USP7: variants seen among roughly 807,000 people sequenced by gnomAD.
USP7 encodes the protein ubiquitin specific peptidase 7, also known as ubiquitin C-terminal hydrolase 7.
USP7 carries 9 observed loss-of-function variants against 162.9 expected under a neutral mutation model. The ratio of observed to expected loss-of-function variants is 0.06; its 90% CI spans 0.03 to 0.10. The LOEUF is 0.10. Ranked by LOEUF, USP7 falls within the 10% of genes least tolerant of loss-of-function variation. The probability of loss-of-function intolerance (pLI) is 1.00; values close to 1 mark genes in which losing one functional copy is unlikely to be tolerated. For synonymous variants in USP7, 562 were observed against 475.9 expected, an observed-to-expected ratio of 1.18 and a Z score of -2.35; for missense variants, 715 against 1,373.7, an observed-to-expected ratio of 0.52 and a Z score of 7.58.
intron 1 of USP7, among the ~76,000 whole-genome samples, chr16:8,955,851 G>T (rs376871892): frequency 6.6e-6 from 1 of 152,156 alleles, no homozygotes; most frequent in African/African-American, 2.4e-5. Flanking sequence ...GAGTAGAAAG[G>T]TTTGCTCAGC....
chr16:8,963,255 TCTGCTGCTG>T lies in USP7; in HGVS notation c.22_30del (p.Gln8_Gln10del), dbSNP rs749570604. 5 of 1,373,130 alleles carry T rather than the reference TCTGCTGCTG, an allele frequency of 3.6e-6. No homozygotes were observed. Among genetic ancestry groups the T allele is most frequent in the Non-Finnish European group, 4.8e-6 (5 of 1,050,884 alleles). 85.1% of individuals were successfully genotyped at this position (1,373,130 alleles called of 1,614,324 possible). ...TCGCTCAACTGCTGCTCGCCCGCTT[TCTGCTGCTG>T]CTGCTGCTGCTGGTGGTTCATGTCG... On this transcript the variant is annotated inframe_deletion, in exon 1 of 31. Transcript: ENST00000344836.
intron 1 of USP7, among the ~76,000 whole-genome samples, chr16:8,938,402 A>C (rs549512137): frequency 4.7e-4 from 71 of 152,160 alleles, no homozygotes; most frequent in African/African-American, 1.7e-3. Context: ...CTGTGGATTC[A>C]ACAAACCGCA....
rs1000838408 is a variant in USP7 at position 8,916,696 on chromosome 16, G to C, written c.852-140C>G. 5 of 908,148 alleles carry C rather than the reference G, an allele frequency of 5.5e-6. No individual in the cohort carries two copies. In the African/African-American group the frequency reaches 8.5e-5, roughly 15 times the overall value. The allele number at this position is 908,148 out of a possible 1,614,324, so 56.3% of individuals were successfully genotyped here. The stretch of plus-strand genomic sequence containing the variant: ...TTTTCTGTGAAGATTATTTTTGGGA[G>C]TCATAATTCAAAGATAGATTTACTG... On this transcript the variant is annotated intron_variant, in intron 7 of 30. Transcript: ENST00000344836.
chr16:8,944,924 A>T (rs1402664140), intron 1 of USP7, among the ~76,000 whole-genome samples: 1 of 152,150 alleles, frequency 6.6e-6, no homozygotes, highest in Non-Finnish European at 1.5e-5. Flanking sequence ...CCTGGCCAAT[A>T]TGGCGAAACC....
intron 3 of USP7, among the ~76,000 whole-genome samples, chr16:8,922,132 G>A (rs1897728426): frequency 6.6e-6 from 1 of 152,192 alleles, no homozygotes; most frequent in African/African-American, 2.4e-5. Flanking sequence ...GTGAACAGAA[G>A]AGGACAACTT....
At chr16:8,927,237 G>T (rs943369015) in intron 2 of USP7, among the ~76,000 whole-genome samples, 1 of 151,614 alleles carries the variant, frequency 6.6e-6, no homozygotes, top group Non-Finnish European at 1.5e-5. Context: ...CAGGAGAATC[G>T]CTTGAACCCG....
At chr16:8,899,550 A>C in intron 22 of USP7, 54 bp downstream of exon 22, 1 of 1,595,500 alleles carries the variant, frequency 6.3e-7, no homozygotes, top group Non-Finnish European at 8.6e-7. Context: ...TTTAAGAAAG[A>C]AATTTGTCTT....
At chr16:8,897,846 C>T (rs1261148353) in intron 25 of USP7, among the ~76,000 whole-genome samples, 1 of 149,466 alleles carries the variant, frequency 6.7e-6, no homozygotes, top group Non-Finnish European at 1.5e-5. Context: ...CTGTCGTGGG[C>T]TGTGATGGTG....
At chr16:8,934,703 C>T (rs1898581436) in intron 1 of USP7, among the ~76,000 whole-genome samples, 1 of 152,164 alleles carries the variant, frequency 6.6e-6, no homozygotes. Flanking sequence ...GCCAATCTGC[C>T]CTTTTCCACC....
At chr16:8,908,648 A>AAT (rs2061896845) in intron 11 of USP7, among the ~76,000 whole-genome samples, 198 bp from the exon 12 acceptor site, 1 of 152,228 alleles carries the variant, frequency 6.6e-6, no homozygotes, top group African/African-American at 2.4e-5. Context: ...TTATTAAAAT[A>AAT]ATGCTGCACC....
intron 2 of USP7, among the ~76,000 whole-genome samples, chr16:8,925,673 C>T (rs1897947218): frequency 6.6e-6 from 1 of 152,202 alleles, no homozygotes; most frequent in Admixed American, 6.5e-5. Flanking sequence ...CCGAGTGTGG[C>T]ACTGCCCTGA....
chr16:8,897,724 A>ACATATATATAT (rs59369679), intron 25 of USP7, among the ~76,000 whole-genome samples: 204 of 19,452 alleles, frequency 0.01, 3 homozygotes, highest in Middle Eastern at 0.062. Flanking sequence ...AAAAAAAAAA[A>ACATATATATAT]AAATATATAT....
chr16:8,896,159 T>A (rs984896413), intron 26 of USP7, among the ~76,000 whole-genome samples: 46 of 135,434 alleles, frequency 3.4e-4, no homozygotes, highest in African/African-American at 1.0e-3. Context: ...TTTTTTTTTT[T>A]AAAGAGGATC....
intron 1 of USP7, among the ~76,000 whole-genome samples, chr16:8,945,489 A>G (rs1323189093): frequency 6.6e-6 from 1 of 152,206 alleles, no homozygotes; most frequent in Non-Finnish European, 1.5e-5. Flanking sequence ...GGAACAGTTC[A>G]ACCTATAAAC....
intron 16 of USP7, 54 bp from the exon 17 acceptor site, chr16:8,902,536 C>G: frequency 7.0e-7 from 1 of 1,427,172 alleles, no homozygotes; most frequent in Non-Finnish European, 9.7e-7. Flanking sequence ...TATTTTAGTC[C>G]TCTATATTAC....
chr16:8,903,176 AC>A, intron 16 of USP7, 91 bp downstream of exon 16: 1 of 1,509,142 alleles, frequency 6.6e-7, no homozygotes, highest in Non-Finnish European at 9.0e-7. Context: ...CACAGCACCT[AC>A]CCCCAAAGGC....
At chr16:8,927,350 A>C (rs994082616) in intron 2 of USP7, among the ~76,000 whole-genome samples, 1 of 152,218 alleles carries the variant, frequency 6.6e-6, no homozygotes, top group South Asian at 2.1e-4. Context: ...GTTAAAGAAA[A>C]ACAGAATACT....
chr16:8,920,460 AAT>A lies in USP7; in HGVS notation c.523-15_523-14del. The A allele has an allele frequency of 6.2e-7, 1 of 1,601,160 alleles. No individual in the cohort carries two copies. Among genetic ancestry groups the A allele is most frequent in the Non-Finnish European group, 8.5e-7 (1 of 1,172,734 alleles). On this transcript the variant is annotated splice_polypyrimidine_tract_variant and intron_variant, in intron 4 of 30. Coordinates refer to ENST00000344836, the MANE Select transcript of USP7 (RefSeq NM_003470.3). ...GATCGGTCACTTCCTATAAAACATA[AAT>A]AAGAATATCCAGCTTGAATAAGAAC...
chr16:8,898,311 T>C lies in USP7; in HGVS notation c.2718+49A>G, dbSNP rs765312006. The C allele has an allele frequency of 2.8e-6, 4 of 1,432,162 alleles. No homozygotes were observed. The East Asian group carries it at 6.8e-5, about 24-fold the overall frequency. 88.7% of individuals were successfully genotyped at this position (1,432,162 alleles called of 1,614,324 possible). ...AATGTCTGGGGACAGGTAGAAACAA[T>C]AAGCAAGTTCCAATAAAAATTAAAA... On this transcript the variant is annotated intron_variant, in intron 25 of 30. Coordinates refer to ENST00000344836, the MANE Select transcript of USP7 (RefSeq NM_003470.3).
Sources: gnomAD v4.1 joint callset for allele counts (sites outside exome capture counted in the v4.1 genomes callset) on GRCh38, gnomAD v4.1.1 for gene constraint, MANE v1.5 for transcripts, NCBI Gene and HGNC (gene_info 2026-07-23, HGNC 2026-07-21) for gene names.